Variants in CMTM8 observed in about 807,000 individuals in gnomAD.
CMTM8 encodes the protein CKLF-like MARVEL transmembrane domain-containing protein 8.
Under a neutral mutation model 18.6 loss-of-function variants are expected in CMTM8, and 12 were observed. That is an observed-to-expected ratio of 0.65 (90% CI 0.41 to 1.05). The LOEUF (loss-of-function observed/expected upper bound fraction) is 1.05, where lower values mean the gene tolerates loss of function less well. CMTM8 is among the 50% of genes least tolerant of loss of function. CMTM8 has a pLI of 0.00. For synonymous variants in CMTM8, 87 were observed against 90.6 expected, an observed-to-expected ratio of 0.96 and a Z score of 0.23; for missense variants, 217 against 227.2, an observed-to-expected ratio of 0.95 and a Z score of 0.29.
At chr3:32,324,267 T>TA (rs5847755) in intron 1 of CMTM8, among the ~76,000 whole-genome samples, 38 of 149,372 alleles carry the variant, frequency 2.5e-4, no homozygotes, top group South Asian at 1.5e-3. Context: ...CTTATAACAT[T>TA]AAAAAAAAAA....
At chr3:32,348,959 A>G (rs1321717661) in intron 1 of CMTM8, among the ~76,000 whole-genome samples, 1 of 151,636 alleles carries the variant, frequency 6.6e-6, no homozygotes, top group Non-Finnish European at 1.5e-5. Flanking sequence ...CTACTATTCC[A>G]TTTTTAATTT....
intron 1 of CMTM8, among the ~76,000 whole-genome samples, chr3:32,346,602 A>G (rs77698536): frequency 0.14 from 12,348 of 85,898 alleles, 600 homozygotes; most frequent in South Asian, 0.31. Flanking sequence ...AGAAAGCATG[A>G]GAGGAAGCTC....
intron 1 of CMTM8, among the ~76,000 whole-genome samples, chr3:32,254,730 G>T (rs1226007989): frequency 1.3e-5 from 2 of 151,650 alleles, no homozygotes; most frequent in Non-Finnish European, 2.9e-5. Flanking sequence ...AAAAAAAAAT[G>T]ACAGCTTTAT....
intron 1 of CMTM8, among the ~76,000 whole-genome samples, chr3:32,253,500 A>G (rs1022060066): frequency 1.3e-5 from 2 of 151,776 alleles, no homozygotes; most frequent in Middle Eastern, 3.4e-3. Flanking sequence ...GTCCGCCATC[A>G]TGCCCGGCTA....
intron 1 of CMTM8, among the ~76,000 whole-genome samples, chr3:32,341,433 A>T (rs1053598705): frequency 6.6e-6 from 1 of 152,174 alleles, no homozygotes; most frequent in Non-Finnish European, 1.5e-5. Context: ...CTTTTTTTTA[A>T]GGTATTAATC....
At chr3:32,333,609 AT>A (rs1696322806) in intron 1 of CMTM8, among the ~76,000 whole-genome samples, 1 of 144,788 alleles carries the variant, frequency 6.9e-6, no homozygotes, top group East Asian at 2.0e-4. Context: ...GCAGCACAGT[AT>A]TTCCATATTC....
chr3:32,300,116 G>A (rs1383451516), intron 1 of CMTM8, among the ~76,000 whole-genome samples: 2 of 152,176 alleles, frequency 1.3e-5, no homozygotes, highest in Non-Finnish European at 1.5e-5. Context: ...AAGATACAGG[G>A]GAAGCTATCC....
At chr3:32,268,232 G>A (rs954965495) in intron 1 of CMTM8, among the ~76,000 whole-genome samples, 1 of 152,122 alleles carries the variant, frequency 6.6e-6, no homozygotes, top group Non-Finnish European at 1.5e-5. Context: ...AAGAAAATGT[G>A]GCACATATAC....
intron 1 of CMTM8, among the ~76,000 whole-genome samples, chr3:32,289,464 G>A (rs1329625530): frequency 6.6e-6 from 1 of 152,192 alleles, no homozygotes; most frequent in Non-Finnish European, 1.5e-5. Flanking sequence ...TCCTGGAGGA[G>A]GTGGGATCAG....
At chr3:32,305,805 C>T (rs1695704829) in intron 1 of CMTM8, among the ~76,000 whole-genome samples, 1 of 152,150 alleles carries the variant, frequency 6.6e-6, no homozygotes, top group Non-Finnish European at 1.5e-5. Flanking sequence ...CAACCATATT[C>T]GTGGGTTAAA....
chr3:32,239,704 T>C (rs892464261), intron 1 of CMTM8, among the ~76,000 whole-genome samples: 1 of 152,140 alleles, frequency 6.6e-6, no homozygotes, highest in African/African-American at 2.4e-5. Context: ...AGGCAGGGCA[T>C]GGGCGTTCTT....
chr3:32,354,904 A>G (rs1696785951), intron 1 of CMTM8, among the ~76,000 whole-genome samples: 1 of 152,250 alleles, frequency 6.6e-6, no homozygotes, highest in African/African-American at 2.4e-5. Flanking sequence ...CTGGAATTAT[A>G]TCCCATTTTG....
intron 2 of CMTM8, among the ~76,000 whole-genome samples, chr3:32,360,102 C>T (rs1208746695): frequency 6.6e-6 from 1 of 152,212 alleles, no homozygotes; most frequent in Non-Finnish European, 1.5e-5. Flanking sequence ...TCAGGGGTTG[C>T]ACACTCACAT....
chr3:32,307,965 G>C (rs1306200118), intron 1 of CMTM8, among the ~76,000 whole-genome samples: 1 of 152,206 alleles, frequency 6.6e-6, no homozygotes, highest in African/African-American at 2.4e-5. Context: ...ATTTAAGAGA[G>C]TTTAGGCTCT....
chr3:32,239,878 C>T (rs1701924079), intron 1 of CMTM8, among the ~76,000 whole-genome samples: 1 of 152,168 alleles, frequency 6.6e-6, no homozygotes, highest in Non-Finnish European at 1.5e-5. Flanking sequence ...CTTTAGATGT[C>T]CTCATACCCT....
At chr3:32,360,186 T>G (rs1415151124) in intron 2 of CMTM8, among the ~76,000 whole-genome samples, 3 of 152,210 alleles carry the variant, frequency 2.0e-5, no homozygotes, top group Non-Finnish European at 1.5e-5. Flanking sequence ...CAGACACACT[T>G]TCTTAGCATC....
intron 1 of CMTM8, among the ~76,000 whole-genome samples, chr3:32,291,896 T>C (rs1702785174): frequency 6.6e-6 from 1 of 152,200 alleles, no homozygotes; most frequent in African/African-American, 2.4e-5. Flanking sequence ...GTATAACTAG[T>C]TGTGACTAGT....
At chr3:32,246,483 C>T (rs1252090832) in intron 1 of CMTM8, among the ~76,000 whole-genome samples, 2 of 152,114 alleles carry the variant, frequency 1.3e-5, no homozygotes, top group East Asian at 3.9e-4. Context: ...CAAGTACTGC[C>T]CTATAGCTTG....
At chr3:32,251,724 A>G (rs1348007118) in intron 1 of CMTM8, among the ~76,000 whole-genome samples, 1 of 152,188 alleles carries the variant, frequency 6.6e-6, no homozygotes, top group Non-Finnish European at 1.5e-5. Context: ...TACTTAGCTA[A>G]ACAGGGCTTC....
Sources: allele counts gnomAD v4.1 joint callset (sites outside exome capture counted in the v4.1 genomes callset), GRCh38; gene constraint gnomAD v4.1.1; transcripts MANE v1.5; gene names NCBI Gene and HGNC (gene_info 2026-07-23, HGNC 2026-07-21).